MGST1: variants seen among roughly 807,000 people sequenced by gnomAD.
MGST1 encodes glutathione S-transferase 12.
In MGST1, 5 loss-of-function variants were observed where a neutral mutation model predicts 8.9. The observed-to-expected ratio is 0.56, with a 90% confidence interval of 0.29 to 1.19. The LOEUF is 1.19. MGST1 is among the 50% of genes most tolerant of loss of function. MGST1 has a pLI of 0.08. For missense variants in MGST1, 182 were observed against 187.4 expected (o/e 0.97, Z 0.17); for synonymous variants, 54 against 67.8 (o/e 0.80, Z 1.00).
chr12:16,537,947 T>C lies in MGST1; in HGVS notation n.483-51581T>C, dbSNP rs1212203321. ...TTAACATGTGGCTCCTTGTTACTTA[T>C]GCAAATTTCTGCAGCCAGCTTGAAT... On this transcript the variant is annotated intron_variant and non_coding_transcript_variant, in intron 4 of 4. Coordinates refer to the MGST1 transcript ENST00000538857. This position sits in a 1 kb window ranked among gnomAD's most constrained non-coding sequence, Gnocchi z 4.6. 2.6e-5 allele frequency among the ~76,000 whole-genome samples: 4 copies of C among 152,276 alleles called. No individual in the cohort carries two copies. The East Asian group carries it at 7.7e-4, about 29-fold the overall frequency.
Position 16,482,770 on chromosome 12 carries a change from T to C in MGST1, n.482+99166T>C, listed in dbSNP as rs1016063954. 6.6e-6 allele frequency among the ~76,000 whole-genome samples: 1 copy of C among 152,178 alleles called. No homozygotes were observed. Among genetic ancestry groups the C allele is most frequent in the African/African-American group, 2.4e-5 (1 of 41,442 alleles). On this transcript the variant is annotated intron_variant and non_coding_transcript_variant, in intron 4 of 4. Transcript: ENST00000538857. This position sits in a 1 kb window ranked among gnomAD's most constrained non-coding sequence, Gnocchi z 4.2. ...CTGAGATACGCAAAGGATTAGACTA[T>C]CATGTCGGATACACCGAAATCAGAG...
chr12:16,462,548 ACC>A (rs1555105345), intron 4 of MGST1, among the ~76,000 whole-genome samples: 5 of 135,910 alleles, frequency 3.7e-5, no homozygotes, highest in South Asian at 2.2e-4. Context: ...GATGCACTTT[ACC>A]CCCCCAAAAA....
intron 4 of MGST1, chr12:16,573,698 C>CAAGT (rs1942900452): frequency 6.6e-6 from 1 of 152,170 alleles, no homozygotes; most frequent in Non-Finnish European, 1.5e-5. Flanking sequence ...AGCGAGTGCT[C>CAAGT]AAGTTTTCTC....
chr12:16,511,265 CA>C (rs1293228030), intron 4 of MGST1, among the ~76,000 whole-genome samples: 1 of 152,214 alleles, frequency 6.6e-6, no homozygotes. Context: ...ATATATATTC[CA>C]TGGCCTTGAA....
exon 4 of MGST1, chr12:16,376,228 T>A: frequency 1.5e-6 from 1 of 679,222 alleles, no homozygotes; most frequent in Non-Finnish European, 2.4e-6. Context: ...AGCAAACCAG[T>A]GAATAATTGA....
At chr12:16,424,787 A>G (rs1940871113) in intron 1 of MGST1, among the ~76,000 whole-genome samples, 1 of 152,180 alleles carries the variant, frequency 6.6e-6, no homozygotes, top group Admixed American at 6.5e-5. Flanking sequence ...CACCATCATT[A>G]AAATGAGAGT....
chr12:16,567,918 G>A (rs913595518), intron 4 of MGST1, among the ~76,000 whole-genome samples: 1 of 152,234 alleles, frequency 6.6e-6, no homozygotes, highest in African/African-American at 2.4e-5. Context: ...TGGACTTACT[G>A]AGTAGCGATC....
intron 4 of MGST1, among the ~76,000 whole-genome samples, chr12:16,462,108 C>T (rs534761550): frequency 1.5e-4 from 23 of 152,210 alleles, no homozygotes; most frequent in African/African-American, 5.5e-4. Context: ...TGTTAATTTG[C>T]TCCCCATCTC....
intron 1 of MGST1, among the ~76,000 whole-genome samples, chr12:16,426,614 A>G (rs1394519689): frequency 6.6e-6 from 1 of 152,160 alleles, no homozygotes; most frequent in African/African-American, 2.4e-5. Context: ...CATTTGTAGA[A>G]TGCTATACCT....
At chr12:16,414,677 G>A (rs34230568) in intron 1 of MGST1, among the ~76,000 whole-genome samples, 51,404 of 151,762 alleles carry the variant, frequency 0.34, 8,822 homozygotes, top group East Asian at 0.43. Flanking sequence ...GGCCTCCCAA[G>A]CTGCTGGGAT....
At chr12:16,388,584 CCT>C (rs1277331300) in intron 1 of MGST1, among the ~76,000 whole-genome samples, 3 of 152,154 alleles carry the variant, frequency 2.0e-5, no homozygotes, top group Non-Finnish European at 4.4e-5. Flanking sequence ...TACTGTATTC[CCT>C]GTTTATTAAA....
intron 4 of MGST1, among the ~76,000 whole-genome samples, chr12:16,525,773 G>T (rs1835199258): frequency 6.6e-6 from 1 of 150,694 alleles, no homozygotes; most frequent in Admixed American, 6.6e-5. Context: ...GTGTAAAAGT[G>T]TTCCTATTTC....
intron 4 of MGST1, among the ~76,000 whole-genome samples, chr12:16,553,905 A>G (rs1400675906): frequency 6.6e-6 from 1 of 151,868 alleles, no homozygotes; most frequent in East Asian, 1.9e-4. Context: ...AGTGATAGCC[A>G]GAGGATACTG....
intron 3 of MGST1, among the ~76,000 whole-genome samples, chr12:16,374,201 G>A (rs897601660): frequency 2.2e-4 from 33 of 151,966 alleles, no homozygotes; most frequent in African/African-American, 7.5e-4. Context: ...ATATGCTATG[G>A]CCAAATGAAA....
intron 1 of MGST1, chr12:16,400,900 A>C: frequency 8.2e-7 from 1 of 1,220,014 alleles, no homozygotes; most frequent in Non-Finnish European, 1.2e-6. Context: ...AGGACACATT[A>C]GATTTGTGAG....
intron 3 of MGST1, among the ~76,000 whole-genome samples, chr12:16,373,769 C>T (rs771015143): frequency 1.3e-4 from 20 of 152,018 alleles, no homozygotes; most frequent in Admixed American, 2.6e-4. Context: ...ATATTTGCCC[C>T]AAATTATCCA....
intron 1 of MGST1, among the ~76,000 whole-genome samples, chr12:16,414,029 G>A (rs1010633836): frequency 1.3e-5 from 2 of 151,740 alleles, no homozygotes; most frequent in Admixed American, 6.6e-5. Flanking sequence ...TATGATATTT[G>A]CCTGCTAAGA....
chr12:16,432,731 C>CACAG (rs775306657), intron 1 of MGST1, among the ~76,000 whole-genome samples: 11 of 132,754 alleles, frequency 8.3e-5, no homozygotes, highest in Non-Finnish European at 1.3e-4. Context: ...CACACACACA[C>CACAG]AGAGAGAGAG....
At chr12:16,528,927 G>T (rs1293007849) in intron 4 of MGST1, among the ~76,000 whole-genome samples, 1 of 152,024 alleles carries the variant, frequency 6.6e-6, no homozygotes, top group Non-Finnish European at 1.5e-5. Context: ...TACTTGGCTA[G>T]GTCCTTGTGG....
Sources: gnomAD v4.1 joint callset for allele counts (sites outside exome capture counted in the v4.1 genomes callset) on GRCh38, gnomAD v4.1.1 for gene constraint, Gnocchi (gnomAD v3.1) non-coding constraint, MANE v1.5 for transcripts, NCBI Gene and HGNC (gene_info 2026-07-23, HGNC 2026-07-21) for gene names.